TANGO6: variants seen among roughly 807,000 people sequenced by gnomAD.
TANGO6 encodes the protein transport and golgi organization 6 homolog, also known as transport and Golgi organization protein 6 homolog.
Under a neutral mutation model 114.2 loss-of-function variants are expected in TANGO6, and 90 were observed. That is an observed-to-expected ratio of 0.79 (90% CI 0.66 to 0.94). The LOEUF is 0.94. Among genes scored for constraint, TANGO6 ranks in the 40% least tolerant of loss-of-function variants. The pLI is 0.00. For synonymous variants in TANGO6, 477 were observed against 509.8 expected, an observed-to-expected ratio of 0.94 and a Z score of 0.87; for missense variants, 1,274 against 1,315.3, an observed-to-expected ratio of 0.97 and a Z score of 0.49.
At chr16:69,070,390 T>C (rs1960281065) in intron 17 of TANGO6, among the ~76,000 whole-genome samples, 1 of 151,952 alleles carries the variant, frequency 6.6e-6, no homozygotes, top group African/African-American at 2.4e-5. Context: ...CCCAGCACTT[T>C]GGGAGGCCGA....
intron 2 of TANGO6, among the ~76,000 whole-genome samples, chr16:68,861,658 A>G (rs1173896766): frequency 6.6e-6 from 1 of 152,244 alleles, no homozygotes; most frequent in African/African-American, 2.4e-5. Context: ...AGGGAAACAC[A>G]GAGAAAGAAC....
At chr16:68,855,591 G>A (rs1397170546) in intron 1 of TANGO6, among the ~76,000 whole-genome samples, 1 of 149,620 alleles carries the variant, frequency 6.7e-6, no homozygotes, top group Non-Finnish European at 1.5e-5. Context: ...AAAAAAAAAA[G>A]TTTTAAATTT....
At chr16:68,844,686 G>A (rs1290833535) in intron 1 of TANGO6, among the ~76,000 whole-genome samples, 2 of 152,116 alleles carry the variant, frequency 1.3e-5, no homozygotes, top group African/African-American at 4.8e-5. Flanking sequence ...TGCCTACTAA[G>A]TATCAGTCCC....
intron 11 of TANGO6, among the ~76,000 whole-genome samples, chr16:68,914,068 A>T (rs938427924): frequency 8.5e-5 from 13 of 152,200 alleles, no homozygotes; most frequent in Admixed American, 7.2e-4. Context: ...TCTTGGCAGC[A>T]GGTTTAGACG....
rs1356225022 is a variant in TANGO6, at chr16:68,876,164, A to T, written c.1131+874A>T. Among the ~76,000 whole-genome samples the T allele has an allele frequency of 4.1e-5, 6 of 146,122 alleles. No individual in the cohort carries two copies. The East Asian group carries it at 6.0e-4, about 15-fold the overall frequency. On this transcript the variant is annotated intron_variant, in intron 5 of 17. Transcript: ENST00000261778. ...ACACATGATGGTACAATTAATGCTA[A>T]TTTTTTTTTTTTTTGAGACAGAGTT...
intron 15 of TANGO6, among the ~76,000 whole-genome samples, chr16:69,018,381 C>T (rs1959341474): frequency 1.3e-5 from 2 of 150,074 alleles, no homozygotes. Flanking sequence ...ATCTCCTGAC[C>T]TCGTGATCTG....
At chr16:68,900,876 GA>G (rs1421227514) in intron 8 of TANGO6, among the ~76,000 whole-genome samples, 1 of 152,226 alleles carries the variant, frequency 6.6e-6, no homozygotes, top group Non-Finnish European at 1.5e-5. Context: ...GGAAATAGGG[GA>G]TGGATCATAA....
At chr16:68,846,667 C>CT (rs1260147357) in intron 1 of TANGO6, 4,307 of 124,844 alleles carry the variant, frequency 0.034, 129 homozygotes, top group African/African-American at 0.085. Context: ...GGCTAATTTT[C>CT]TTTTTTTTTT....
chr16:69,008,106 A>G (rs1357007883), intron 15 of TANGO6, among the ~76,000 whole-genome samples: 1 of 152,010 alleles, frequency 6.6e-6, no homozygotes, highest in Non-Finnish European at 1.5e-5. Flanking sequence ...CTTTTTTTAA[A>G]AAAAAGAATA....
rs547718143 is a variant in TANGO6 at position 68,946,516 on chromosome 16, G to C, written c.2701+16221G>C. 1.9e-3 allele frequency among the ~76,000 whole-genome samples: 290 copies of C among 152,030 alleles called. 1 individual carries two copies. Among genetic ancestry groups the C allele is most frequent in the African/African-American group, 6.5e-3 (271 of 41,488 alleles). ...GCCTTTTCTTTTCTTTTAAGACAGGGTCTTACTCTCACCCAAGTTGGTGTG... is the reference window on the plus strand; with the variant it reads ...GCCTTTTCTTTTCTTTTAAGACAGGCTCTTACTCTCACCCAAGTTGGTGTG... On this transcript the variant is annotated intron_variant, in intron 14 of 17. Transcript: ENST00000261778.
At chr16:68,925,175 G>C (rs117725072) in intron 12 of TANGO6, among the ~76,000 whole-genome samples, 2,742 of 152,154 alleles carry the variant, frequency 0.018, 38 homozygotes, top group Middle Eastern at 0.041. Flanking sequence ...GCCAGGCATG[G>C]TGGCCGCACC....
intron 7 of TANGO6, among the ~76,000 whole-genome samples, chr16:68,881,458 G>A (rs1242285098): frequency 2.0e-5 from 3 of 152,166 alleles, no homozygotes; most frequent in Non-Finnish European, 4.4e-5. Context: ...AGGTTGCAGT[G>A]TGCCGATATC....
chr16:69,038,760 T>G (rs1457150129), intron 16 of TANGO6, among the ~76,000 whole-genome samples: 1 of 152,080 alleles, frequency 6.6e-6, no homozygotes, highest in Admixed American at 6.6e-5. Flanking sequence ...AATTGAGCGC[T>G]GGCCAGGCAC....
intron 15 of TANGO6, among the ~76,000 whole-genome samples, chr16:68,988,362 G>A (rs1056268375): frequency 6.6e-6 from 1 of 152,090 alleles, no homozygotes; most frequent in Admixed American, 6.5e-5. Context: ...TTCTCCTGCC[G>A]CCTCAGAGCT....
At chr16:69,038,225 T>C (rs9927319) in intron 16 of TANGO6, among the ~76,000 whole-genome samples, 31,288 of 151,946 alleles carry the variant, frequency 0.21, 3,415 homozygotes, top group African/African-American at 0.27. Flanking sequence ...GTCAGGAGTT[T>C]GAGACCAGCC....
chr16:68,901,757 G>A (rs1191513716), intron 8 of TANGO6, among the ~76,000 whole-genome samples: 1 of 152,050 alleles, frequency 6.6e-6, no homozygotes, highest in South Asian at 2.1e-4. Flanking sequence ...CAAAATGCTG[G>A]GATTACAGGC....
intron 15 of TANGO6, among the ~76,000 whole-genome samples, chr16:68,987,719 A>G (rs1963909926): frequency 6.6e-6 from 1 of 152,322 alleles, no homozygotes; most frequent in African/African-American, 2.4e-5. Flanking sequence ...TTTAAGTGAC[A>G]TGGGGCTTTT....
rs755493589 is a variant in TANGO6, at chr16:68,919,233, A to AT, written c.2127+15dup. ...GGAGCTGTTCAGGTGAGTTGTAGAC[A>AT]TGAGGCAAGCTTGAATGGAGGGAAG... On this transcript the variant is annotated intron_variant, in intron 12 of 17. Coordinates refer to ENST00000261778, the MANE Select transcript of TANGO6 (RefSeq NM_024562.2). 3 of 1,611,014 alleles carry AT rather than the reference A, an allele frequency of 1.9e-6. No homozygotes were observed. In the East Asian group the frequency reaches 6.7e-5, roughly 36 times the overall value.
At chr16:68,920,695 C>A (rs1269342751) in intron 12 of TANGO6, among the ~76,000 whole-genome samples, 1 of 152,116 alleles carries the variant, frequency 6.6e-6, no homozygotes, top group Admixed American at 6.5e-5. Context: ...ATACCTTTCA[C>A]TAGCCTGTCT....
Sources: allele counts gnomAD v4.1 joint callset (sites outside exome capture counted in the v4.1 genomes callset), GRCh38; gene constraint gnomAD v4.1.1; transcripts MANE v1.5; gene names NCBI Gene and HGNC (gene_info 2026-07-23, HGNC 2026-07-21).